The following PUM1 variants were observed in gnomAD, a reference collection of about 807,000 sequenced individuals.
The protein encoded by PUM1 is pumilio RNA binding family member 1.
PUM1 carries 13 observed loss-of-function variants against 131.8 expected under a neutral mutation model. The ratio of observed to expected loss-of-function variants is 0.10; its 90% CI spans 0.06 to 0.16. The LOEUF (loss-of-function observed/expected upper bound fraction) is 0.16, where lower values mean the gene tolerates loss of function less well. PUM1 is among the 10% of genes least tolerant of loss of function. The pLI is 1.00. For synonymous variants in PUM1, 509 were observed against 556.5 expected, an observed-to-expected ratio of 0.91 and a Z score of 1.20; for missense variants, 961 against 1,512.4, an observed-to-expected ratio of 0.64 and a Z score of 6.05.
At chr1:31,042,131 C>T (rs1643838352) in intron 2 of PUM1, among the ~76,000 whole-genome samples, 3 of 151,924 alleles carry the variant, frequency 2.0e-5, no homozygotes, top group African/African-American at 7.3e-5. Context: ...ATGGTTGGAA[C>T]CCTGTCTCTA....
intron 3 of PUM1, among the ~76,000 whole-genome samples, chr1:31,022,819 C>CA (rs1643079204): frequency 6.6e-6 from 1 of 152,140 alleles, no homozygotes; most frequent in East Asian, 1.9e-4. Context: ...AAAAAATACC[C>CA]AAAAAACATA....
At chr1:30,946,731 T>TAA (rs1639693261) in intron 17 of PUM1, among the ~76,000 whole-genome samples, 2 of 150,996 alleles carry the variant, frequency 1.3e-5, no homozygotes, top group Non-Finnish European at 2.9e-5. Flanking sequence ...TGAAAAATCA[T>TAA]AAGTCAGGGG....
chr1:30,974,627 G>T, intron 10 of PUM1, 24 bp downstream of exon 10: 2 of 1,578,842 alleles, frequency 1.3e-6, no homozygotes, highest in African/African-American at 1.3e-5. Flanking sequence ...CCACTTAGAA[G>T]AGGTAAATTT....
intron 20 of PUM1, among the ~76,000 whole-genome samples, chr1:30,937,226 G>A (rs1305356508): frequency 1.3e-5 from 2 of 152,102 alleles, no homozygotes; most frequent in African/African-American, 4.8e-5. Context: ...TTAAGCACAA[G>A]GTTCAGGACA....
chr1:30,953,598 G>A (rs1440117206), intron 15 of PUM1, 116 bp downstream of exon 15: 5 of 1,101,114 alleles, frequency 4.5e-6, no homozygotes, highest in Non-Finnish European at 6.6e-6. Flanking sequence ...AAACTAAGAG[G>A]CACGCTTTTA....
chr1:30,986,332 C>T (rs1641557478), intron 7 of PUM1, among the ~76,000 whole-genome samples: 1 of 152,086 alleles, frequency 6.6e-6, no homozygotes, highest in Admixed American at 6.5e-5. Flanking sequence ...CCCTTCGAAA[C>T]AGTAAAAGCA....
chr1:30,964,653 T>C, intron 14 of PUM1, 21 bp downstream of exon 14: 1 of 1,568,558 alleles, frequency 6.4e-7, no homozygotes. Flanking sequence ...TTCAAGGTGG[T>C]GTTAGAGTAA....
rs865897632 is a variant in PUM1 at position 31,054,097 on chromosome 1, A to G, written c.363+5107T>C. Among the ~76,000 whole-genome samples, 26 of 79,618 alleles carry G rather than the reference A, an allele frequency of 3.3e-4. No individual in the cohort carries two copies. The South Asian group carries it at 0.011, about 35-fold the overall frequency. The allele number at this position is 79,618 out of a possible 152,430, so 52.2% of individuals were successfully genotyped here. On this transcript the variant is annotated intron_variant, in intron 2 of 21. Coordinates refer to ENST00000426105, the MANE Select transcript of PUM1 (RefSeq NM_001020658.2). ...CTACAGAGCAAGACTTTATTTCAAA[A>G]AAAAAAAAAAAAAAAAAAAAAAAGG...
intron 2 of PUM1, among the ~76,000 whole-genome samples, chr1:31,053,476 CTT>C (rs781031239): frequency 1.4e-4 from 19 of 139,172 alleles, no homozygotes; most frequent in Admixed American, 1.4e-4. Context: ...TTTGGGAGGC[CTT>C]TTTTTTTTTT....
At chr1:31,013,960 T>C (rs1642715908) in intron 3 of PUM1, among the ~76,000 whole-genome samples, 1 of 152,192 alleles carries the variant, frequency 6.6e-6, no homozygotes, top group Non-Finnish European at 1.5e-5. Context: ...GTTCATTCAT[T>C]CCTGGTTAGC....
At chr1:30,934,785 G>C (rs1181797062) in intron 21 of PUM1, among the ~76,000 whole-genome samples, 1 of 152,048 alleles carries the variant, frequency 6.6e-6, no homozygotes, top group African/African-American at 2.4e-5. Context: ...GACAAGTCCA[G>C]GCACTTCACC....
chr1:30,981,269 CG>C, intron 8 of PUM1, 42 bp downstream of exon 8: 1 of 1,266,588 alleles, frequency 7.9e-7, no homozygotes. Flanking sequence ...CCTAAAATGG[CG>C]GCCACACCTA....
chr1:31,031,826 T>C (rs1005005436), intron 2 of PUM1, among the ~76,000 whole-genome samples: 5 of 152,002 alleles, frequency 3.3e-5, no homozygotes, highest in African/African-American at 1.2e-4. Context: ...ACCATTCTCT[T>C]TCACCATCTA....
chr1:31,050,571 C>T (rs919428491), intron 2 of PUM1, among the ~76,000 whole-genome samples: 1 of 152,204 alleles, frequency 6.6e-6, no homozygotes, highest in Non-Finnish European at 1.5e-5. Flanking sequence ...AATGAAAAGG[C>T]TCTAAGAGTA....
At chr1:31,018,599 A>G (rs1312443653) in intron 3 of PUM1, among the ~76,000 whole-genome samples, 2 of 152,206 alleles carry the variant, frequency 1.3e-5, no homozygotes, top group Non-Finnish European at 2.9e-5. Context: ...CGGAGGTTGC[A>G]GTGAGCCAAG....
intron 5 of PUM1, among the ~76,000 whole-genome samples, chr1:30,996,988 T>C (rs958429842): frequency 5.9e-5 from 9 of 152,202 alleles, no homozygotes; most frequent in Non-Finnish European, 1.3e-4. Flanking sequence ...ATGATCTTCC[T>C]GTTGTCCTTA....
At chr1:30,984,217 A>G (rs1641462124) in intron 7 of PUM1, among the ~76,000 whole-genome samples, 1 of 152,242 alleles carries the variant, frequency 6.6e-6, no homozygotes, top group Non-Finnish European at 1.5e-5. Context: ...AAAGTAAATT[A>G]TACATCTACA....
chr1:31,052,150 C>A (rs1192592667), intron 2 of PUM1, among the ~76,000 whole-genome samples: 1 of 151,884 alleles, frequency 6.6e-6, no homozygotes, highest in South Asian at 2.1e-4. Flanking sequence ...GTAGCTGGGA[C>A]TACAGGCGCC....
chr1:31,042,270 C>T (rs1570337397), intron 2 of PUM1, among the ~76,000 whole-genome samples: 1 of 151,884 alleles, frequency 6.6e-6, no homozygotes, highest in East Asian at 2.0e-4. Context: ...TGCACCACTG[C>T]ACTCCAACCT....
Sources: gnomAD v4.1 joint callset for allele counts (sites outside exome capture counted in the v4.1 genomes callset) on GRCh38, gnomAD v4.1.1 for gene constraint, MANE v1.5 for transcripts, NCBI Gene and HGNC (gene_info 2026-07-23, HGNC 2026-07-21) for gene names.